PAK3: variants seen among roughly 807,000 people sequenced by gnomAD.
PAK3 encodes the protein serine/threonine-protein kinase PAK 3.
A neutral mutation model predicts 41.0 loss-of-function variants in PAK3; 4 were observed. The observed-to-expected ratio is 0.10, with a 90% CI of 0.05 to 0.22. PAK3 has a LOEUF of 0.22. Among genes scored for constraint, PAK3 ranks in the 10% least tolerant of loss-of-function variants. The pLI is 1.00. For synonymous variants in PAK3, 146 were observed against 139.6 expected (o/e 1.05, Z -0.32); for missense variants, 205 against 409.9 (o/e 0.50, Z 4.32).
At chrX:111,149,265 C>T (rs1412664159) in intron 7 of PAK3, among the ~76,000 whole-genome samples, 1 of 111,691 alleles carries the variant, frequency 9.0e-6, no homozygotes, top group East Asian at 2.9e-4. Flanking sequence ...GCCTCCCTCC[C>T]GGCTGCTTTC....
intron 1 of PAK3, among the ~76,000 whole-genome samples, chrX:110,945,831 C>T (rs1049363985): frequency 8.9e-6 from 1 of 111,889 alleles, no homozygotes; most frequent in African/African-American, 3.3e-5. Context: ...GCTAAACCTT[C>T]TCTTTGACAT....
chrX:110,950,115 C>T (rs2090710349), intron 1 of PAK3, among the ~76,000 whole-genome samples: 1 of 111,057 alleles, frequency 9.0e-6, no homozygotes. Flanking sequence ...CACAGCATGG[C>T]TCTCTTCTTG....
At chrX:110,990,623 A>G (rs2091625632) in intron 1 of PAK3, among the ~76,000 whole-genome samples, 1 of 109,900 alleles carries the variant, frequency 9.1e-6, no homozygotes, top group Non-Finnish European at 1.9e-5. Flanking sequence ...AAAAATTCAC[A>G]GGCTAGGGCT....
chrX:111,178,980 T>TATATATATATATATAGAGAGAGAG (rs1211051270), intron 11 of PAK3, among the ~76,000 whole-genome samples: 1 of 91,613 alleles, frequency 1.1e-5, no homozygotes, highest in African/African-American at 4.0e-5. Flanking sequence ...TATATATATA[T>TATATATATATATATAGAGAGAGAG]AGAGAGAGAG....
intron 5 of PAK3, among the ~76,000 whole-genome samples, chrX:111,134,810 T>C (rs1209234704): frequency 9.0e-6 from 1 of 111,107 alleles, no homozygotes; most frequent in Non-Finnish European, 1.9e-5. Context: ...AGAAAGACCA[T>C]CATTTTGAAG....
chrX:111,163,523 G>C, intron 9 of PAK3, 39 bp from the exon 10 acceptor site: 2 of 1,026,074 alleles, frequency 1.9e-6, no homozygotes, highest in Non-Finnish European at 2.7e-6. Flanking sequence ...TCTTTCCTTG[G>C]CCTGCTGTTT....
intron 6 of PAK3, among the ~76,000 whole-genome samples, chrX:111,143,634 CCAT>C (rs935248369): frequency 3.6e-5 from 4 of 110,998 alleles, no homozygotes; most frequent in African/African-American, 1.3e-4. Flanking sequence ...ACTACCACCA[CCAT>C]CATCACCACC....
chrX:111,032,150 A>T (rs2092347510), intron 1 of PAK3, among the ~76,000 whole-genome samples: 1 of 111,999 alleles, frequency 8.9e-6, no homozygotes, highest in Admixed American at 9.5e-5. Flanking sequence ...AGGGGGCCAT[A>T]GCACAAAAAC....
At chrX:111,006,316 C>T (rs776470978) in intron 1 of PAK3, among the ~76,000 whole-genome samples, 23 of 111,720 alleles carry the variant, frequency 2.1e-4, no homozygotes, top group East Asian at 5.6e-4. Flanking sequence ...GCTGTGATTA[C>T]GTAAGAGGAT....
chrX:111,205,420 A>G lies in PAK3; in HGVS notation c.1407+8780A>G, dbSNP rs149621160. ...CTTCCCCAACTCTGCCAAAAGGGCC[A>G]TGTTTTGTGTGTTGTCTCTATGAGT... On this transcript the variant is annotated intron_variant, in intron 16 of 17. Transcript: ENST00000372007. 5.3e-4 allele frequency among the ~76,000 whole-genome samples: 59 copies of G among 111,259 alleles called. No homozygotes were observed. The East Asian group carries it at 0.012, about 23-fold the overall frequency.
chrX:111,147,021 TA>T (rs1019677967), intron 6 of PAK3, among the ~76,000 whole-genome samples: 2 of 111,354 alleles, frequency 1.8e-5, no homozygotes, highest in African/African-American at 3.3e-5. Context: ...CCCCAGGTTC[TA>T]TGTGGCCTAT....
intron 5 of PAK3, among the ~76,000 whole-genome samples, chrX:111,127,925 A>G (rs1169840646): frequency 8.9e-6 from 1 of 112,308 alleles, no homozygotes; most frequent in Non-Finnish European, 1.9e-5. Flanking sequence ...TGGGGAATAA[A>G]CACACTAATA....
chrX:111,104,418 T>TA (rs2093213422), intron 4 of PAK3, among the ~76,000 whole-genome samples: 2 of 111,882 alleles, frequency 1.8e-5, no homozygotes, highest in South Asian at 3.7e-4. Flanking sequence ...ACAGACAAGG[T>TA]AAAACTGCAG....
chrX:111,178,460 T>G (rs2094429682), intron 11 of PAK3, among the ~76,000 whole-genome samples: 1 of 111,743 alleles, frequency 8.9e-6, no homozygotes, highest in Non-Finnish European at 1.9e-5. Context: ...TTAATTTCTT[T>G]AAGCATCAGT....
chrX:110,946,223 T>C (rs1266341406), intron 1 of PAK3, among the ~76,000 whole-genome samples: 1 of 111,201 alleles, frequency 9.0e-6, no homozygotes, highest in Non-Finnish European at 1.9e-5. Context: ...GTATCCTAAG[T>C]TGAAAGAATG....
chrX:110,991,799 G>T (rs2091653381), intron 1 of PAK3, among the ~76,000 whole-genome samples: 1 of 110,947 alleles, frequency 9.0e-6, no homozygotes, highest in Non-Finnish European at 1.9e-5. Flanking sequence ...CATGGATTTG[G>T]GATGCAGCAG....
chrX:111,150,308 T>C (rs190612299), intron 7 of PAK3, among the ~76,000 whole-genome samples: 73 of 112,237 alleles, frequency 6.5e-4, no homozygotes, highest in African/African-American at 2.2e-3. Flanking sequence ...TTCTGTGTCC[T>C]TTCAAACTGT....
chrX:111,180,881 A>G (rs1481952291), intron 11 of PAK3, among the ~76,000 whole-genome samples: 1 of 112,059 alleles, frequency 8.9e-6, no homozygotes, highest in Non-Finnish European at 1.9e-5. Flanking sequence ...ATCCTTACAA[A>G]TAAACCATTT....
chrX:110,965,480 A>G (rs996041841), intron 1 of PAK3, among the ~76,000 whole-genome samples: 6 of 112,115 alleles, frequency 5.4e-5, no homozygotes, highest in Admixed American at 4.7e-4. Flanking sequence ...TCCTTTGCTC[A>G]GCCTCAGGAC....
Sources: gnomAD v4.1 joint callset for allele counts (sites outside exome capture counted in the v4.1 genomes callset) on GRCh38, gnomAD v4.1.1 for gene constraint, MANE v1.5 for transcripts, NCBI Gene and HGNC (gene_info 2026-07-23, HGNC 2026-07-21) for gene names.